Variants in CXCL12 observed in about 807,000 individuals in gnomAD.
CXCL12 encodes stromal cell-derived factor 1.
CXCL12 carries 4 observed loss-of-function variants against 10.7 expected under a neutral mutation model. That is an observed-to-expected ratio of 0.37 (90% CI 0.18 to 0.86). The LOEUF (loss-of-function observed/expected upper bound fraction) is 0.86. Among genes scored for constraint, CXCL12 ranks in the 40% least tolerant of loss-of-function variants. The pLI is 0.43. For missense variants in CXCL12, 122 were observed against 110.4 expected (o/e 1.10, Z -0.47); for synonymous variants, 54 against 45.4 (o/e 1.19, Z -0.77).
At chr10:44,383,883 C>CA (rs1005967760) in intron 1 of CXCL12, among the ~76,000 whole-genome samples, 1 of 152,208 alleles carries the variant, frequency 6.6e-6, no homozygotes, top group Admixed American at 6.5e-5. Flanking sequence ...CAAGAGCACT[C>CA]AGAGTGTCCT....
At chr10:44,372,975 C>T (rs1409071942), downstream of CXCL12, 6 of 1,535,922 alleles carry the variant, frequency 3.9e-6, no homozygotes, top group East Asian at 9.8e-5. Flanking sequence ...TGGGGCCAGG[C>T]TCCCTCAGCC....
Position 44,385,092 on chromosome 10 carries a change from T to C in CXCL12, c.-87A>G. 1 of 1,055,078 alleles carries C rather than the reference T, an allele frequency of 9.5e-7. No individual in the cohort carries two copies. Among genetic ancestry groups the C allele is most frequent in the East Asian group, 3.3e-5 (1 of 30,486 alleles). The allele number at this position is 1,055,078 out of a possible 1,614,324, so 65.4% of individuals were successfully genotyped here. On this transcript the variant is annotated 5_prime_UTR_variant, in exon 1 of 3. Coordinates refer to ENST00000343575, the MANE Select transcript of CXCL12 (RefSeq NM_199168.4). ...CAATGCGGCTGACGGAGAGTGAAAGTGCGGCGGTGGGAGGCGCGCGCCGGG... is the reference window on the plus strand; with the variant it reads ...CAATGCGGCTGACGGAGAGTGAAAGCGCGGCGGTGGGAGGCGCGCGCCGGG...
chr10:44,374,120 G>A (rs1000200160), downstream of CXCL12: 1 of 303,810 alleles, frequency 3.3e-6, no homozygotes, highest in Non-Finnish European at 6.5e-6. Context: ...CCTTGCATGC[G>A]TTCTCAAGGT....
At chr10:44,384,818 A>T in intron 1 of CXCL12, 127 bp downstream of exon 1, 7 of 899,916 alleles carry the variant, frequency 7.8e-6, no homozygotes, top group Non-Finnish European at 1.1e-5. Flanking sequence ...CAGCTAAGCG[A>T]GCTGCCTCCA....
downstream of CXCL12, chr10:44,372,626 T>C: frequency 3.0e-6 from 4 of 1,335,704 alleles, no homozygotes; most frequent in Non-Finnish European, 1.9e-6. Flanking sequence ...GTCCTGAGAG[T>C]CCTTTTGCAG....
rs1839492625 is a variant in CXCL12 at position 44,377,559 on chromosome 10, G to A, written c.*1074C>T. 2 of 1,454,700 alleles carry A rather than the reference G, an allele frequency of 1.4e-6. No homozygotes were observed. The highest frequency in any genetic ancestry group is 1.8e-6 in the Non-Finnish European group (2 of 1,108,136). 90.1% of individuals were successfully genotyped at this position (1,454,700 alleles called of 1,614,324 possible). ...GCTGTGGCTTCAGGAGGGGGTAGTG[G>A]CAAGATGATGGTTTATTCACTGATT... On this transcript the variant is annotated 3_prime_UTR_variant, in exon 3 of 3. Coordinates refer to ENST00000343575, the MANE Select transcript of CXCL12 (RefSeq NM_199168.4).
chr10:44,377,757 C>A lies in CXCL12; in HGVS notation c.*876G>T. The A allele has an allele frequency of 6.3e-7, 1 of 1,598,366 alleles. No individual in the cohort carries two copies. The highest frequency in any genetic ancestry group is 8.5e-7 in the Non-Finnish European group (1 of 1,179,802). On this transcript the variant is annotated 3_prime_UTR_variant, in exon 3 of 3. Coordinates refer to ENST00000343575, the MANE Select transcript of CXCL12 (RefSeq NM_199168.4). ...GGTAAGCAGGGGGACCATTACACAT[C>A]CCCAGGAGAGGGCCAGCTCCATTCT...
At position 44,377,920 on chromosome 10, in the gene CXCL12, A is replaced by G; in HGVS notation, c.*713T>C. On this transcript the variant is annotated 3_prime_UTR_variant, in exon 3 of 3. Coordinates refer to ENST00000343575, the MANE Select transcript of CXCL12 (RefSeq NM_199168.4). ...CGCTGATCAGGCTACAGAAATGAGA[A>G]GCAGAAGCAAGATTAAGCATGCTCT... 1 of 1,547,210 alleles carries G rather than the reference A, an allele frequency of 6.5e-7. No individual in the cohort carries two copies. The highest frequency in any genetic ancestry group is 8.7e-7 in the Non-Finnish European group (1 of 1,155,206).
At position 44,378,181 on chromosome 10, in the gene CXCL12, T is replaced by TGTTAA. The variant is rs1403728538; in HGVS notation, c.*447_*451dup. On this transcript the variant is annotated 3_prime_UTR_variant, in exon 3 of 3. Transcript: ENST00000343575. ...AGAAAGGACACTTTTTCCAGCTCCC[T>TGTTAA]GTTAAGCCACCACCTGACTGTGCCC... is the stretch of plus-strand genomic sequence containing the variant. 7 of 1,416,366 alleles carry TGTTAA rather than the reference T, an allele frequency of 4.9e-6. No individual in the cohort carries two copies. The Admixed American group carries it at 1.8e-4, about 36-fold the overall frequency. The allele number at this position is 1,416,366 out of a possible 1,614,324, so 87.7% of individuals were successfully genotyped here.
chr10:44,374,514 G>A (rs1203079337), downstream of CXCL12: 5 of 455,984 alleles, frequency 1.1e-5, 1 homozygote. Flanking sequence ...GACCCCCAGT[G>A]CTGGCAAGAG....
downstream of CXCL12, chr10:44,372,049 C>T (rs1839328952): frequency 6.6e-6 from 1 of 152,216 alleles, no homozygotes; most frequent in African/African-American, 2.4e-5. Context: ...AGAGAGGGCC[C>T]AGGAGGAAGG....
At position 44,377,112 on chromosome 10, in the gene CXCL12, C is replaced by T. The variant is rs1255132785; in HGVS notation, c.*1521G>A. On this transcript the variant is annotated 3_prime_UTR_variant, in exon 3 of 3. Coordinates refer to ENST00000343575, the MANE Select transcript of CXCL12 (RefSeq NM_199168.4). ...AATTTTATTTCAGGTAAATAAATTC[C>T]CACATACAGTAGGACGTTTATACCA... is the stretch of plus-strand genomic sequence containing the variant. The T allele has an allele frequency of 4.1e-6, 4 of 985,424 alleles. No homozygotes were observed. The African/African-American group carries it at 7.0e-5, about 17-fold the overall frequency. The allele number at this position is 985,424 out of a possible 1,614,324, so 61.0% of individuals were successfully genotyped here. A position where few individuals can be genotyped will look rare whatever the true frequency, so the allele number is the denominator to read the frequency against.
At position 44,385,088 on chromosome 10, in the gene CXCL12, A is replaced by T; in HGVS notation, c.-83T>A. On this transcript the variant is annotated 5_prime_UTR_variant, in exon 1 of 3. Coordinates refer to ENST00000343575, the MANE Select transcript of CXCL12 (RefSeq NM_199168.4). ...CGGGCAATGCGGCTGACGGAGAGTG[A>T]AAGTGCGGCGGTGGGAGGCGCGCGC... is the stretch of plus-strand genomic sequence containing the variant. The T allele has an allele frequency of 9.1e-7, 1 of 1,101,956 alleles. No homozygotes were observed. The highest frequency in any genetic ancestry group is 1.2e-6 in the Non-Finnish European group (1 of 814,700). 68.3% of individuals were successfully genotyped at this position (1,101,956 alleles called of 1,614,324 possible).
chr10:44,384,866 G>T, intron 1 of CXCL12, 79 bp downstream of exon 1: 1 of 1,407,434 alleles, frequency 7.1e-7, no homozygotes, highest in Non-Finnish European at 9.6e-7. Flanking sequence ...GCGGGCGCAG[G>T]CAGAGGAGCC....
chr10:44,379,860 A>G (rs1425008086), intron 2 of CXCL12, among the ~76,000 whole-genome samples: 2 of 152,258 alleles, frequency 1.3e-5, no homozygotes, highest in East Asian at 1.9e-4. Context: ...CCTAAAACAT[A>G]CTGTAAATAA....
chr10:44,377,731 G>A lies in CXCL12; in HGVS notation c.*902C>T, dbSNP rs534532591. 4.9e-5 allele frequency: 78 copies of A among 1,598,254 alleles called. No individual in the cohort carries two copies. Among genetic ancestry groups the A allele is most frequent in the Middle Eastern group, 1.7e-4 (1 of 6,050 alleles). On this transcript the variant is annotated 3_prime_UTR_variant, in exon 3 of 3. Transcript: ENST00000343575. ...GATTCTGTAAAGACTTGTCTTTTGC[G>A]GGTAAGCAGGGGGACCATTACACAT...
downstream of CXCL12, among the ~76,000 whole-genome samples, chr10:44,375,687 G>C (rs2297629): frequency 0.02 from 3,117 of 152,328 alleles, 99 homozygotes; most frequent in East Asian, 0.17. Flanking sequence ...GAGCACACAG[G>C]CTCCGCGTCA....
chr10:44,373,323 C>T (rs1433587274), downstream of CXCL12: 3 of 1,607,876 alleles, frequency 1.9e-6, no homozygotes, highest in East Asian at 2.2e-5. Context: ...AGGCGTCTGA[C>T]CCTCTCACAT....
downstream of CXCL12, chr10:44,375,957 G>A (rs758486541): frequency 6.2e-7 from 1 of 1,612,584 alleles, no homozygotes; most frequent in Admixed American, 1.7e-5. Context: ...TCCTTTTCTG[G>A]GCAGCCTTTC....
Sources: allele counts gnomAD v4.1 joint callset (sites outside exome capture counted in the v4.1 genomes callset), GRCh38; gene constraint gnomAD v4.1.1; transcripts MANE v1.5; gene names NCBI Gene and HGNC (gene_info 2026-07-23, HGNC 2026-07-21).